Variants in GPC3 observed in about 807,000 individuals in gnomAD.
GPC3 encodes the protein glypican 3, also known as glypican-3.
A neutral mutation model predicts 34.4 loss-of-function variants in GPC3; 3 were observed. The observed-to-expected ratio is 0.09, with a 90% CI of 0.04 to 0.23. The LOEUF is 0.23. GPC3 is among the 10% of genes least tolerant of loss of function. The pLI, the probability that GPC3 is intolerant of heterozygous loss-of-function variation, is 1.00. For missense variants in GPC3, 351 were observed against 445.6 expected (o/e 0.79, Z 1.91); for synonymous variants, 177 against 174.0 (o/e 1.02, Z -0.13).
chrX:133,905,318 T>C (rs758670814), intron 2 of GPC3, among the ~76,000 whole-genome samples: 4 of 112,472 alleles, frequency 3.6e-5, no homozygotes, highest in African/African-American at 9.7e-5. Flanking sequence ...TATCTCTATC[T>C]ATATGGAGAT....
chrX:133,948,201 G>A (rs1275878912), intron 2 of GPC3, among the ~76,000 whole-genome samples: 1 of 111,396 alleles, frequency 9.0e-6, no homozygotes, highest in African/African-American at 3.3e-5. Flanking sequence ...CATATTAACT[G>A]TGAAGGAAAA....
Position 133,839,912 on chromosome X carries a change from A to AGC in GPC3, c.338-85738_338-85737dup. Among the ~76,000 whole-genome samples, 3 of 92,149 alleles carry AGC rather than the reference A, an allele frequency of 3.3e-5. No homozygotes were observed. The Middle Eastern group carries it at 0.015, about 475-fold the overall frequency. 80.0% of individuals were successfully genotyped at this position (92,149 alleles called of 115,157 possible). A position where few individuals can be genotyped will look rare whatever the true frequency, so the allele number is the denominator to read the frequency against. ...CACTGCACTCCAGCCTGGGCAACAG[A>AGC]GCGAGACTCCGTTTCAAAAAAAAAA... is the stretch of plus-strand genomic sequence containing the variant. On this transcript the variant is annotated intron_variant, in intron 2 of 7. Coordinates refer to ENST00000370818, the MANE Select transcript of GPC3 (RefSeq NM_004484.4).
rs761063924 is a variant in GPC3 at position 133,953,349 on chromosome X, T to C, written c.176-138A>G. ...ACAATGCATTTCTTTTGAGATACAG[T>C]AAAATTTTGATTATTCAAAATTACG... is the stretch of plus-strand genomic sequence containing the variant. On this transcript the variant is annotated intron_variant, in intron 1 of 7. Transcript: ENST00000370818. 73 of 530,595 alleles carry C rather than the reference T, an allele frequency of 1.4e-4. No individual in the cohort carries two copies. The African/African-American group carries it at 1.5e-3, about 11-fold the overall frequency. 43.7% of individuals were successfully genotyped at this position (530,595 alleles called of 1,213,427 possible). A position where few individuals can be genotyped will look rare whatever the true frequency, so the allele number is the denominator to read the frequency against.
chrX:133,862,597 G>C (rs765680810), intron 2 of GPC3, among the ~76,000 whole-genome samples: 1 of 109,913 alleles, frequency 9.1e-6, no homozygotes, highest in Non-Finnish European at 1.9e-5. Flanking sequence ...GGCTGAGGTG[G>C]GAGAATCGCT....
chrX:133,689,870 T>C (rs1166362747), intron 5 of GPC3, among the ~76,000 whole-genome samples: 1 of 112,320 alleles, frequency 8.9e-6, no homozygotes, highest in African/African-American at 3.2e-5. Context: ...GGCACTGGAA[T>C]GGTTTGTCAT....
At chrX:133,591,041 G>A (rs191361355) in intron 7 of GPC3, among the ~76,000 whole-genome samples, 1 of 112,081 alleles carries the variant, frequency 8.9e-6, no homozygotes, top group African/African-American at 3.2e-5. Flanking sequence ...GAACCTGCGT[G>A]TCCTGCACTT....
Position 133,753,713 on chromosome X carries a change from T to A in GPC3, c.801A>T (p.Gly267=). Residue 267 remains glycine (G), a synonymous_variant, in exon 3 of 8, where the codon GGA becomes GGT. Transcript: ENST00000370818. ...TRMWYCSYCQ[G]LMMVKPCGGY... ...CGCCACAGGGTTTAACCATCATCAG[T>A]CCCTGGCAGTAAGAGCAGTACCACA... 9.9e-6 allele frequency: 12 copies of A among 1,210,773 alleles called. No individual in the cohort carries two copies. Among genetic ancestry groups the A allele is most frequent in the Non-Finnish European group, 1.3e-5 (12 of 894,676 alleles).
At chrX:133,567,922 C>A (rs779111937) in intron 7 of GPC3, among the ~76,000 whole-genome samples, 2 of 112,090 alleles carry the variant, frequency 1.8e-5, no homozygotes, top group Non-Finnish European at 3.8e-5. Context: ...TTCAAAGACA[C>A]TTTGAAAAAA....
At chrX:133,806,741 C>T (rs188082740) in intron 2 of GPC3, among the ~76,000 whole-genome samples, 1,558 of 110,135 alleles carry the variant, frequency 0.014, 40 homozygotes, top group African/African-American at 0.049. Context: ...TTCCGCCTCC[C>T]GGGTTCATGT....
At chrX:133,713,835 C>T (rs927810336) in intron 3 of GPC3, among the ~76,000 whole-genome samples, 4 of 111,563 alleles carry the variant, frequency 3.6e-5, no homozygotes, top group Non-Finnish European at 7.5e-5. Context: ...CTTCCCAATA[C>T]CTGAAGGCTT....
chrX:133,780,591 T>C (rs762886445), intron 2 of GPC3, among the ~76,000 whole-genome samples: 2 of 111,704 alleles, frequency 1.8e-5, no homozygotes, highest in Admixed American at 1.9e-4. Context: ...ATTACCCAGC[T>C]CTGAAAGTAA....
intron 5 of GPC3, among the ~76,000 whole-genome samples, chrX:133,685,208 T>C (rs779905540): frequency 4.3e-4 from 48 of 111,803 alleles, no homozygotes; most frequent in Non-Finnish European, 8.5e-4. Flanking sequence ...CTCCCTTGCC[T>C]TTCCTAGATC....
intron 6 of GPC3, among the ~76,000 whole-genome samples, chrX:133,656,064 T>C (rs1192822510): frequency 8.9e-6 from 1 of 111,884 alleles, no homozygotes; most frequent in Non-Finnish European, 1.9e-5. Context: ...TTCTATGAAG[T>C]AGGGCTCACT....
intron 2 of GPC3, among the ~76,000 whole-genome samples, chrX:133,831,996 G>A (rs1483177377): frequency 9.0e-6 from 1 of 111,552 alleles, no homozygotes; most frequent in African/African-American, 3.3e-5. Context: ...TAAAATGACA[G>A]AGCTGGCTGG....
intron 2 of GPC3, among the ~76,000 whole-genome samples, chrX:133,882,565 A>C (rs73632100): frequency 0.038 from 4,106 of 109,262 alleles, 67 homozygotes; most frequent in Middle Eastern, 0.07. Flanking sequence ...GTGTGGCTTA[A>C]CCTTGAGTTG....
At chrX:133,930,776 C>T (rs2076295000) in intron 2 of GPC3, among the ~76,000 whole-genome samples, 1 of 111,685 alleles carries the variant, frequency 9.0e-6, no homozygotes, top group Non-Finnish European at 1.9e-5. Flanking sequence ...GCTGGGACTA[C>T]AGGCGCGTGT....
At chrX:133,670,696 G>C (rs1487930458) in intron 5 of GPC3, among the ~76,000 whole-genome samples, 7 of 111,786 alleles carry the variant, frequency 6.3e-5, no homozygotes, top group African/African-American at 2.3e-4. Flanking sequence ...GGAAAAACTG[G>C]ATAATTTAAA....
At chrX:133,871,247 C>T (rs943111678) in intron 2 of GPC3, among the ~76,000 whole-genome samples, 2 of 111,931 alleles carry the variant, frequency 1.8e-5, no homozygotes, top group Admixed American at 1.9e-4. Context: ...ATTTCTACTC[C>T]TGACATCACT....
At chrX:133,588,029 C>T (rs2069807620) in intron 7 of GPC3, among the ~76,000 whole-genome samples, 2 of 111,507 alleles carry the variant, frequency 1.8e-5, no homozygotes, top group African/African-American at 6.5e-5. Context: ...ATGGGATCTC[C>T]CTCCCAGTGG....
Sources: gnomAD v4.1 joint callset for allele counts (sites outside exome capture counted in the v4.1 genomes callset) on GRCh38, gnomAD v4.1.1 for gene constraint, MANE v1.5 for transcripts, NCBI Gene and HGNC (gene_info 2026-07-23, HGNC 2026-07-21) for gene names.